ZNF841: variants seen among roughly 807,000 people sequenced by gnomAD.
ZNF841 encodes zinc finger protein 841.
Under a neutral mutation model 13.0 loss-of-function variants are expected in ZNF841, and 11 were observed. That is an observed-to-expected ratio of 0.85 (90% CI 0.53 to 1.40). ZNF841 has a LOEUF of 1.40. Among genes scored for constraint, ZNF841 ranks in the 40% most tolerant of loss-of-function variants. ZNF841 has a pLI of 0.00. For missense variants in ZNF841, 1,068 were observed against 1,139.5 expected (o/e 0.94, Z 0.90); for synonymous variants, 369 against 381.6 (o/e 0.97, Z 0.38).
chr19:52,065,661 C>G lies in ZNF841; in HGVS notation c.2221G>C (p.Glu741Gln), dbSNP rs1378197187. The G allele has an allele frequency of 6.2e-7, 1 of 1,604,834 alleles. No homozygotes were observed. Residue 741 changes from glutamate (E) to glutamine (Q), a missense_variant, in exon 7 of 7, where the codon GAA becomes CAA. By Grantham distance (29) the Glu-to-Gln change is conservative (BLOSUM62 2). Coordinates refer to ENST00000594440, the MANE Select transcript of ZNF841 (RefSeq NM_001136499.2). ...HTGEMPYKCI[E>Q]CGKVFNSTTT... is the part of the protein sequence containing the mutation. ...GTGGAGTTAAAGACTTTCCCACATT[C>G]AATACATTTGTATGGCATCTCTCCA...
At chr19:52,092,801 T>C (rs1045797878) in intron 2 of ZNF841, among the ~76,000 whole-genome samples, 2 of 152,128 alleles carry the variant, frequency 1.3e-5, no homozygotes, top group African/African-American at 4.8e-5. Context: ...GCAGAGACCA[T>C]GTATCTGCTG....
intron 6 of ZNF841, among the ~76,000 whole-genome samples, chr19:52,072,181 T>G (rs2087756913): frequency 6.6e-6 from 1 of 152,180 alleles, no homozygotes; most frequent in Admixed American, 6.5e-5. Context: ...AGATCCTCAA[T>G]ATGTGAAGCA....
At chr19:52,059,348 TAAAAA>T in the ZNF841 span, among the ~76,000 whole-genome samples, 9 of 45,998 alleles carry the variant, frequency 2.0e-4, no homozygotes, top group Admixed American at 2.5e-3. Context: ...AGACTCTGTC[TAAAAA>T]AAAAAAAAAA....
Position 52,067,552 on chromosome 19 carries a change from T to A in ZNF841, c.330A>T (p.Gly110=), listed in dbSNP as rs1271020862. The part of the protein sequence containing the change: ...ELPPIQNSNT[G]EKFQAVMLEG... The stretch of plus-strand genomic sequence containing the variant: ...CCAACATCACTGCTTGGAATTTTTC[T>A]CCTGTGTTACTGTTCTGTATTGGTG... The change falls in exon 7 of 7, where the codon GGA becomes GGT. Residue 110 remains glycine (G), a synonymous_variant. Coordinates refer to ENST00000594440, the MANE Select transcript of ZNF841 (RefSeq NM_001136499.2). 1 of 1,599,924 alleles carries A rather than the reference T, an allele frequency of 6.3e-7. No individual in the cohort carries two copies. Among genetic ancestry groups the A allele is most frequent in the Non-Finnish European group, 8.5e-7 (1 of 1,175,046 alleles).
chr19:52,085,018 C>T (rs1044051516), intron 3 of ZNF841, 140 bp from the exon 4 acceptor site: 2 of 573,934 alleles, frequency 3.5e-6, no homozygotes, highest in African/African-American at 1.9e-5. Flanking sequence ...TAAACTCCTA[C>T]ACAAAGACCA....
chr19:52,066,343 GT>G lies in ZNF841; in HGVS notation c.1538del (p.Tyr513SerfsTer16). 2 of 1,614,020 alleles carry G rather than the reference GT, an allele frequency of 1.2e-6. No homozygotes were observed. The highest frequency in any genetic ancestry group is 1.7e-6 in the Non-Finnish European group (2 of 1,179,954). On this transcript the variant is annotated frameshift_variant, in exon 7 of 7. Transcript: ENST00000594440. LOFTEE classifies it low-confidence loss of function (END_TRUNC). ...AGGCTTTGCCACATTCATTACATTT[GT>G]AAGGTTTCTCTCCAGTATGAACTCT... is the stretch of plus-strand genomic sequence containing the variant. ...HQRVHTGEKP[Y>X]KCNECGKAFN...
At chr19:52,078,249 T>G (rs2087970941) in intron 4 of ZNF841, among the ~76,000 whole-genome samples, 1 of 151,906 alleles carries the variant, frequency 6.6e-6, no homozygotes, top group Non-Finnish European at 1.5e-5. Context: ...ATCATGCCAC[T>G]GCACTCCAGC....
At chr19:52,086,968 T>C (rs2088296043) in intron 3 of ZNF841, among the ~76,000 whole-genome samples, 1 of 152,202 alleles carries the variant, frequency 6.6e-6, no homozygotes, top group Admixed American at 6.5e-5. Flanking sequence ...ATTATGGTCT[T>C]AAATGAAGCA....
intron 4 of ZNF841, among the ~76,000 whole-genome samples, chr19:52,080,252 C>G (rs1298127583): frequency 6.6e-6 from 1 of 152,058 alleles, no homozygotes; most frequent in African/African-American, 2.4e-5. Context: ...AACAGGAATC[C>G]CCAAACTCTC....
At chr19:52,069,637 A>ACTT (rs930145403) in intron 6 of ZNF841, among the ~76,000 whole-genome samples, 4 of 152,138 alleles carry the variant, frequency 2.6e-5, no homozygotes, top group African/African-American at 9.7e-5. Context: ...GGTGCATAGA[A>ACTT]CTTCAGGAAT....
At chr19:52,080,113 A>C (rs1053654280) in intron 4 of ZNF841, among the ~76,000 whole-genome samples, 10 of 152,206 alleles carry the variant, frequency 6.6e-5, no homozygotes, top group Non-Finnish European at 1.5e-4. Context: ...AGTAACACTA[A>C]TTTAAAAACA....
At chr19:52,075,938 G>T in intron 6 of ZNF841, 106 bp downstream of exon 6, 1 of 1,415,606 alleles carries the variant, frequency 7.1e-7, no homozygotes, top group Admixed American at 2.5e-5. Flanking sequence ...AACTTCTGGA[G>T]CTCACAGAAA....
rs775257756 is a variant in ZNF841 at position 52,065,612 on chromosome 19, C to A, written c.2270G>T (p.Arg757Ile). 1.2e-6 allele frequency: 2 copies of A among 1,612,670 alleles called. No homozygotes were observed. Among genetic ancestry groups the A allele is most frequent in the South Asian group, 1.1e-5 (1 of 90,932 alleles). The change falls in exon 7 of 7, where the codon AGA becomes ATA. Residue 757 changes from arginine to isoleucine, a missense_variant. By Grantham distance (97) the Arg-to-Ile change is moderately conservative. Coordinates refer to ENST00000594440, the MANE Select transcript of ZNF841 (RefSeq NM_001136499.2). ...NSTTTLARHR[R>I]IHTGEKPYKC... ...GTAAGGTTTCTCTCCAGTATGAATT[C>A]TCCGATGCCTTGCCAGGGTTGTAGT... is the stretch of plus-strand genomic sequence containing the variant.
chr19:52,066,386 T>C lies in ZNF841; in HGVS notation c.1496A>G (p.His499Arg). The C allele has an allele frequency of 6.2e-7, 1 of 1,613,952 alleles. No homozygotes were observed. The highest frequency in any genetic ancestry group is 8.5e-7 in the Non-Finnish European group (1 of 1,179,950). ...ECGKVFSQHS[H>R]LAVHQRVHTG... ...ATGAACTCTCTGATGCACTGCAAGATGTGAATGTTGACTGAAGACCTTGCC... is the reference window on the plus strand; with the variant it reads ...ATGAACTCTCTGATGCACTGCAAGACGTGAATGTTGACTGAAGACCTTGCC... Residue 499 changes from histidine (H) to arginine (R), a missense_variant, in exon 7 of 7, where the codon CAT becomes CGT. Transcript: ENST00000594440.
At chr19:52,084,219 A>G (rs1232129055) in intron 4 of ZNF841, among the ~76,000 whole-genome samples, 1 of 152,162 alleles carries the variant, frequency 6.6e-6, no homozygotes, top group Non-Finnish European at 1.5e-5. Context: ...ATATTTTAAA[A>G]TCAATGATGG....
chr19:52,080,011 AAAAG>A (rs949106199), intron 4 of ZNF841, among the ~76,000 whole-genome samples: 1 of 151,850 alleles, frequency 6.6e-6, no homozygotes, highest in Non-Finnish European at 1.5e-5. Flanking sequence ...AAAAAAAAAA[AAAAG>A]AGATAACATG....
downstream of ZNF841, chr19:52,064,348 G>A (rs1457878807): frequency 1.3e-4 from 8 of 61,974 alleles, no homozygotes; most frequent in East Asian, 5.7e-4. Context: ...GCGAGACTCC[G>A]TCTCCAAAAA....
In ZNF841 at chr19:52,065,919, A is replaced by C; in HGVS notation, c.1963T>G (p.Cys655Gly). ...KIHTGEKPYKCNDCGKAYTQR... is the reference protein window; with the variant it reads ...KIHTGEKPYKGNDCGKAYTQR... Reference sequence around the variant, plus strand: ...GTATAGGCTTTGCCACAATCATTACATTTATAAGGTTTCTCTCCGGTATGA... The same window carrying C: ...GTATAGGCTTTGCCACAATCATTACCTTTATAAGGTTTCTCTCCGGTATGA... The change falls in exon 7 of 7, where the codon TGT becomes GGT. Residue 655 changes from cysteine (C) to glycine (G), a missense_variant. By Grantham distance (159) the Cys-to-Gly change is radical (BLOSUM62 -3). Transcript: ENST00000594440. 3 of 1,614,182 alleles carry C rather than the reference A, an allele frequency of 1.9e-6. No homozygotes were observed. The highest frequency in any genetic ancestry group is 2.5e-6 in the Non-Finnish European group (3 of 1,180,026).
chr19:52,059,337 G>A, the ZNF841 span, among the ~76,000 whole-genome samples: 10 of 115,596 alleles, frequency 8.7e-5, no homozygotes, highest in South Asian at 8.4e-4. Flanking sequence ...GCGACAGAGC[G>A]AGACTCTGTC....
Sources: allele counts gnomAD v4.1 joint callset (sites outside exome capture counted in the v4.1 genomes callset), GRCh38; gene constraint gnomAD v4.1.1; transcripts MANE v1.5; gene names NCBI Gene and HGNC (gene_info 2026-07-23, HGNC 2026-07-21).